The following KCNJ15 variants were observed in gnomAD, a reference collection of about 807,000 sequenced individuals.
KCNJ15 encodes ATP-sensitive inward rectifier potassium channel 15.
In KCNJ15, 14 loss-of-function variants were observed where a neutral mutation model predicts 23.0. That is an observed-to-expected ratio of 0.61 (90% CI 0.40 to 0.95). KCNJ15 has a LOEUF of 0.95. KCNJ15 is among the 40% of genes least tolerant of loss of function. KCNJ15 has a pLI of 0.00. For missense variants in KCNJ15, 388 were observed against 461.8 expected, an observed-to-expected ratio of 0.84 and a Z score of 1.46; for synonymous variants, 185 against 183.2, an observed-to-expected ratio of 1.01 and a Z score of -0.08.
intron 1 of KCNJ15, among the ~76,000 whole-genome samples, chr21:38,288,997 C>T (rs555930820): frequency 1.6e-4 from 25 of 152,056 alleles, no homozygotes; most frequent in African/African-American, 6.0e-4. Context: ...GTCAGGAGTT[C>T]GAGAGCCTGG....
chr21:38,288,026 C>CTTTTCTTTTTTTT (rs1171718120), intron 1 of KCNJ15, among the ~76,000 whole-genome samples: 1 of 78,170 alleles, frequency 1.3e-5, no homozygotes, highest in Admixed American at 2.0e-4. Context: ...TTGTTTTTTT[C>CTTTTCTTTTTTTT]TTTGTTTTTT....
chr21:38,281,000 C>T (rs1983275890), intron 1 of KCNJ15, among the ~76,000 whole-genome samples: 1 of 152,180 alleles, frequency 6.6e-6, no homozygotes, highest in Admixed American at 6.5e-5. Flanking sequence ...CTGCAAAAGG[C>T]CGTTTGCTAT....
rs1985863383 is a variant in KCNJ15, at chr21:38,302,411, T to G, written c.*2022T>G. On this transcript the variant is annotated 3_prime_UTR_variant, in exon 3 of 3. Coordinates refer to ENST00000398938, the MANE Select transcript of KCNJ15 (RefSeq NM_170736.3). ...AGGTGTAAGAATAGTGGGAGGAAAG[T>G]TTGTGAAAGTTTAAAGAATGCCCTC... is the stretch of plus-strand genomic sequence containing the variant. 6.6e-6 allele frequency: 1 copy of G among 152,152 alleles called. No homozygotes were observed. Among genetic ancestry groups the G allele is most frequent in the East Asian group, 1.9e-4 (1 of 5,184 alleles). The allele number at this position is 152,152 out of a possible 1,614,324, so 9.4% of individuals were successfully genotyped here. A position where few individuals can be genotyped will look rare whatever the true frequency, so the allele number is the denominator to read the frequency against.
intron 1 of KCNJ15, among the ~76,000 whole-genome samples, chr21:38,263,855 T>C (rs79360110): frequency 5.3e-4 from 81 of 152,286 alleles, no homozygotes; most frequent in African/African-American, 1.9e-3. Context: ...TCTGTTTCTT[T>C]ATGTCCACCT....
rs1299014783 is a variant in KCNJ15, at chr21:38,304,473, T to A, written c.*4084T>A. 1 of 151,782 alleles carries A rather than the reference T, an allele frequency of 6.6e-6. No individual in the cohort carries two copies. The highest frequency in any genetic ancestry group is 1.5e-5 in the Non-Finnish European group (1 of 67,976). The allele number at this position is 151,782 out of a possible 1,614,324, so 9.4% of individuals were successfully genotyped here. A position where few individuals can be genotyped will look rare whatever the true frequency, so the allele number is the denominator to read the frequency against. On this transcript the variant is annotated 3_prime_UTR_variant, in exon 3 of 3. Coordinates refer to ENST00000398938, the MANE Select transcript of KCNJ15 (RefSeq NM_170736.3). ...AAGCGAAAGGTACTAACATTTCCAG[T>A]CTTGATTTCCAAGTTTTGTGGTGTG...
At chr21:38,247,065 G>A (rs1979429316) in intron 1 of KCNJ15, among the ~76,000 whole-genome samples, 1 of 113,240 alleles carries the variant, frequency 8.8e-6, no homozygotes. Flanking sequence ...TGAATGGATG[G>A]ATGGATGGAT....
intron 1 of KCNJ15, among the ~76,000 whole-genome samples, chr21:38,280,668 T>C (rs1983230359): frequency 6.6e-6 from 1 of 152,188 alleles, no homozygotes; most frequent in Non-Finnish European, 1.5e-5. Context: ...AATTGCTGAC[T>C]ACAGGATCAT....
At chr21:38,294,671 C>T (rs1601247157) in intron 1 of KCNJ15, among the ~76,000 whole-genome samples, 1 of 113,928 alleles carries the variant, frequency 8.8e-6, no homozygotes, top group African/African-American at 3.2e-5. Context: ...CCTTCCATTT[C>T]CCATTATCCT....
chr21:38,257,738 T>C (rs1405025798), intron 1 of KCNJ15, among the ~76,000 whole-genome samples: 2 of 152,262 alleles, frequency 1.3e-5, no homozygotes, highest in East Asian at 3.8e-4. Context: ...ATGAACTTTG[T>C]TCATGACCCA....
rs1230287242 is a variant in KCNJ15 at position 38,301,525 on chromosome 21, G to A, written c.*1136G>A. 4 of 166,984 alleles carry A rather than the reference G, an allele frequency of 2.4e-5. No individual in the cohort carries two copies. Among genetic ancestry groups the A allele is most frequent in the African/African-American group, 9.7e-5 (4 of 41,406 alleles). The allele number at this position is 166,984 out of a possible 1,614,324, so 10.3% of individuals were successfully genotyped here. A position where few individuals can be genotyped will look rare whatever the true frequency, so the allele number is the denominator to read the frequency against. On this transcript the variant is annotated 3_prime_UTR_variant, in exon 3 of 3. Transcript: ENST00000398938. ...CAGTCATGCTTGCTGATTACAGTTA[G>A]CACAAAAGAAAAATTCAGCTGCCTG...
chr21:38,251,903 T>C (rs961274401), upstream of KCNJ15, among the ~76,000 whole-genome samples: 9 of 152,186 alleles, frequency 5.9e-5, no homozygotes, highest in Non-Finnish European at 1.2e-4. Context: ...ACCATCTCAT[T>C]TAAGAAGAAT....
chr21:38,302,813 T>A lies in KCNJ15; in HGVS notation c.*2424T>A, dbSNP rs1985895162. On this transcript the variant is annotated 3_prime_UTR_variant, in exon 3 of 3. Coordinates refer to ENST00000398938, the MANE Select transcript of KCNJ15 (RefSeq NM_170736.3). ...AAATTTTGTATTGTCATTTAGCATA[T>A]CAATTTCAGCCAAATTTGGAAGACT... The A allele has an allele frequency of 6.6e-6, 1 of 152,226 alleles. No homozygotes were observed. Among genetic ancestry groups the A allele is most frequent in the African/African-American group, 2.4e-5 (1 of 41,456 alleles). 9.4% of individuals were successfully genotyped at this position (152,226 alleles called of 1,614,324 possible).
chr21:38,243,154 C>A (rs1048832940), intron 1 of KCNJ15, among the ~76,000 whole-genome samples: 1 of 151,930 alleles, frequency 6.6e-6, no homozygotes, highest in Non-Finnish European at 1.5e-5. Context: ...AGCTTTGACA[C>A]TTTAAAATTG....
chr21:38,236,550 A>G (rs373125635), intron 1 of KCNJ15, among the ~76,000 whole-genome samples: 33 of 152,290 alleles, frequency 2.2e-4, no homozygotes, highest in African/African-American at 7.7e-4. Flanking sequence ...ATAGACACAT[A>G]TGGGTGGATT....
intron 1 of KCNJ15, among the ~76,000 whole-genome samples, chr21:38,289,149 A>T (rs941942908): frequency 6.8e-6 from 1 of 147,382 alleles, no homozygotes; most frequent in African/African-American, 2.6e-5. Flanking sequence ...GTGAGCTGAG[A>T]TCGCACCATT....
intron 1 of KCNJ15, among the ~76,000 whole-genome samples, chr21:38,241,903 A>C (rs1020161785): frequency 6.6e-6 from 1 of 150,922 alleles, no homozygotes; most frequent in African/African-American, 2.4e-5. Flanking sequence ...AGGGAGGTGG[A>C]AGTTGCAGTG....
chr21:38,284,035 C>A (rs1983631451), intron 1 of KCNJ15, among the ~76,000 whole-genome samples: 1 of 152,158 alleles, frequency 6.6e-6, no homozygotes, highest in Admixed American at 6.5e-5. Context: ...GGCTTATGTG[C>A]TAAAGGCATC....
upstream of KCNJ15, among the ~76,000 whole-genome samples, chr21:38,254,810 C>T (rs545910120): frequency 5.9e-5 from 9 of 152,128 alleles, no homozygotes; most frequent in East Asian, 3.9e-4. Flanking sequence ...ATGGACTTAA[C>T]AACATTTCTG....
At chr21:38,267,373 A>C (rs1405380961) in intron 1 of KCNJ15, 3 of 152,366 alleles carry the variant, frequency 2.0e-5, no homozygotes, top group Non-Finnish European at 2.9e-5. Flanking sequence ...TGGGACTCTG[A>C]ATAGGCAGTA....
Sources: allele counts gnomAD v4.1 joint callset (sites outside exome capture counted in the v4.1 genomes callset), GRCh38; gene constraint gnomAD v4.1.1; transcripts MANE v1.5; gene names NCBI Gene and HGNC (gene_info 2026-07-23, HGNC 2026-07-21).